Variants in NTRK3 observed in about 807,000 individuals in gnomAD.
NTRK3 encodes NT-3 growth factor receptor.
A neutral mutation model predicts 91.7 loss-of-function variants in NTRK3; 24 were observed. That is an observed-to-expected ratio of 0.26 (90% confidence interval 0.19 to 0.37). The LOEUF is 0.37. NTRK3 is among the 10% of genes least tolerant of loss of function. The probability of loss-of-function intolerance (pLI) is 1.00; values close to 1 mark genes in which losing one functional copy is unlikely to be tolerated. For missense variants in NTRK3, 880 were observed against 1,068.9 expected, an observed-to-expected ratio of 0.82 and a Z score of 2.46; for synonymous variants, 483 against 404.0, an observed-to-expected ratio of 1.20 and a Z score of -2.34.
chr15:88,021,498 T>C (rs189940153), intron 14 of NTRK3, among the ~76,000 whole-genome samples: 4 of 152,348 alleles, frequency 2.6e-5, no homozygotes, highest in Admixed American at 2.0e-4. Context: ...TTGGTAAGTC[T>C]CAGGGATCTC....
intron 13 of NTRK3, among the ~76,000 whole-genome samples, chr15:88,054,845 A>T (rs1256928359): frequency 1.3e-5 from 2 of 151,616 alleles, no homozygotes; most frequent in Non-Finnish European, 2.9e-5. Flanking sequence ...CTTTGCATGT[A>T]TTTTTTTTTC....
intron 13 of NTRK3, among the ~76,000 whole-genome samples, chr15:88,071,651 T>A (rs78163196): frequency 0.012 from 1,780 of 152,304 alleles, 35 homozygotes; most frequent in African/African-American, 0.039. Flanking sequence ...ACGTTATTAT[T>A]CCCATTTTAT....
intron 17 of NTRK3, among the ~76,000 whole-genome samples, chr15:87,907,588 G>T (rs867642786): frequency 6.6e-6 from 1 of 152,102 alleles, no homozygotes; most frequent in Non-Finnish European, 1.5e-5. Context: ...ACTACCGCAC[G>T]CCCTGTCAGT....
At chr15:87,915,062 G>T in intron 17 of NTRK3, among the ~76,000 whole-genome samples, 1 of 152,174 alleles carries the variant, frequency 6.6e-6, no homozygotes, top group East Asian at 1.9e-4. Flanking sequence ...TGGTGATGGT[G>T]GTGGTGGTGA....
chr15:88,198,542 A>G (rs2048024746), intron 3 of NTRK3, among the ~76,000 whole-genome samples: 1 of 152,218 alleles, frequency 6.6e-6, no homozygotes, highest in Admixed American at 6.5e-5. Flanking sequence ...AAATTTTTCT[A>G]GGTGGCTGCT....
chr15:87,940,833 T>C, intron 14 of NTRK3, 80 bp from the exon 15 acceptor site: 3 of 1,603,410 alleles, frequency 1.9e-6, no homozygotes, highest in East Asian at 2.2e-5. Context: ...TACAGAGGTC[T>C]AGCGTGGAGA....
chr15:87,945,853 C>T (rs925714660), intron 14 of NTRK3, among the ~76,000 whole-genome samples: 1 of 151,648 alleles, frequency 6.6e-6, no homozygotes, highest in African/African-American at 2.4e-5. Flanking sequence ...AAATCCTGAC[C>T]CTCTTACTTA....
exon 19 of NTRK3, chr15:87,860,474 T>C: frequency 5.7e-6 from 1 of 176,410 alleles, no homozygotes; most frequent in Non-Finnish European, 1.2e-5. Context: ...CTTATCAAGT[T>C]AGAATTTTTT....
chr15:87,880,460 T>C (rs375818260), intron 17 of NTRK3, 32 bp from the exon 19 acceptor site: 2 of 1,611,026 alleles, frequency 1.2e-6, no homozygotes, highest in African/African-American at 1.3e-5. Context: ...GCACACAGAG[T>C]GACCAGATGG....
At chr15:87,882,234 T>C (rs755120128) in intron 17 of NTRK3, among the ~76,000 whole-genome samples, 7 of 152,156 alleles carry the variant, frequency 4.6e-5, no homozygotes, top group Non-Finnish European at 1.0e-4. Context: ...CTAATCAGGA[T>C]AGTTTTGTAT....
At chr15:88,212,514 A>G (rs373693496) in intron 3 of NTRK3, among the ~76,000 whole-genome samples, 2 of 152,250 alleles carry the variant, frequency 1.3e-5, no homozygotes. Context: ...CAAGGTGTGT[A>G]AAGGGTAAAG....
chr15:88,030,470 A>C (rs2078425605), intron 14 of NTRK3, among the ~76,000 whole-genome samples: 5 of 152,144 alleles, frequency 3.3e-5, no homozygotes, highest in Admixed American at 3.3e-4. Context: ...GAGTCATCCC[A>C]TCTGGCAACT....
intron 15 of NTRK3, among the ~76,000 whole-genome samples, chr15:87,935,961 C>T (rs546941685): frequency 1.4e-4 from 21 of 152,274 alleles, no homozygotes; most frequent in African/African-American, 4.3e-4. Context: ...ATTGGCCAAA[C>T]GTAGGGTATG....
chr15:87,993,200 G>C (rs562278405), intron 14 of NTRK3, among the ~76,000 whole-genome samples: 5 of 152,094 alleles, frequency 3.3e-5, no homozygotes, highest in African/African-American at 9.7e-5. Flanking sequence ...AGTCATGGCC[G>C]TACCATTTAG....
At chr15:88,135,242 C>G (rs2151192414) in exon 10 of NTRK3, 1 of 1,614,228 alleles carries the variant, frequency 6.2e-7, no homozygotes, top group Non-Finnish European at 8.5e-7. Flanking sequence ...ATCTCTCCCT[C>G]TTGGTAGTAT....
rs77793796 is a variant in NTRK3 at position 88,105,532 on chromosome 15, T to C, written c.1396+20739A>G. Among the ~76,000 whole-genome samples the C allele has an allele frequency of 4.7e-3, 718 of 152,306 alleles. 8 individuals are homozygous for C. The highest frequency in any genetic ancestry group is 0.017 in the African/African-American group (694 of 41,554). On this transcript the variant is annotated intron_variant, in intron 13 of 18. Coordinates refer to ENST00000394480, the Ensembl canonical transcript of NTRK3. ...GGAGAAGAACTGCATCTCCCTACTA[T>C]TGGTGTAGTACACGCTCCACTAGTT...
exon 13 of NTRK3, chr15:88,126,271 C>A: frequency 6.2e-7 from 1 of 1,607,656 alleles, no homozygotes; most frequent in Non-Finnish European, 8.5e-7. Flanking sequence ...CCCACCTTAC[C>A]CTTCATTCCA....
At chr15:88,245,616 AG>A (rs2052742816) in intron 3 of NTRK3, among the ~76,000 whole-genome samples, 1 of 152,238 alleles carries the variant, frequency 6.6e-6, no homozygotes, top group Non-Finnish European at 1.5e-5. Flanking sequence ...CAAGAAGAAC[AG>A]ATGAGGGCTA....
At chr15:88,023,404 T>G (rs927093967) in intron 14 of NTRK3, among the ~76,000 whole-genome samples, 2 of 152,150 alleles carry the variant, frequency 1.3e-5, no homozygotes, top group Non-Finnish European at 2.9e-5. Context: ...GAAGATAAGA[T>G]TGAAGAAAAA....
Sources: allele counts gnomAD v4.1 joint callset (sites outside exome capture counted in the v4.1 genomes callset), GRCh38; gene constraint gnomAD v4.1.1; transcripts MANE v1.5; gene names NCBI Gene and HGNC (gene_info 2026-07-23, HGNC 2026-07-21).